Variants in OGN observed in about 807,000 individuals in gnomAD.
OGN encodes the protein mimecan.
OGN carries 19 observed loss-of-function variants against 30.8 expected under a neutral mutation model. That is an observed-to-expected ratio of 0.62 (90% confidence interval 0.43 to 0.90). The LOEUF (loss-of-function observed/expected upper bound fraction) is 0.90, where lower values mean the gene tolerates loss of function less well. Among genes scored for constraint, OGN ranks in the 40% least tolerant of loss-of-function variants. The pLI, the probability that OGN is intolerant of heterozygous loss-of-function variation, is 0.00. For missense variants in OGN, 283 were observed against 349.7 expected (o/e 0.81, Z 1.52); for synonymous variants, 126 against 128.3 (o/e 0.98, Z 0.12).
chr9:92,385,293 C>T lies in OGN; in HGVS notation c.*327G>A, dbSNP rs894392166. 43 of 183,034 alleles carry T rather than the reference C, an allele frequency of 2.3e-4. No homozygotes were observed. The highest frequency in any genetic ancestry group is 5.2e-4 in the African/African-American group (22 of 42,180). 11.3% of individuals were successfully genotyped at this position (183,034 alleles called of 1,614,324 possible). ...GTTGAAAGTTTCTTGGATTTATCCTCGTACTTACATCATTAGTAATAGGAA... is the reference window on the plus strand; with the variant it reads ...GTTGAAAGTTTCTTGGATTTATCCTTGTACTTACATCATTAGTAATAGGAA... On this transcript the variant is annotated 3_prime_UTR_variant, in exon 7 of 7. Transcript: ENST00000375561.
In OGN at chr9:92,384,446, T is replaced by C. The variant is rs1842347858; in HGVS notation, c.*1174A>G. 1 of 152,182 alleles carries C rather than the reference T, an allele frequency of 6.6e-6. No individual in the cohort carries two copies. The highest frequency in any genetic ancestry group is 1.5e-5 in the Non-Finnish European group (1 of 68,000). 9.4% of individuals were successfully genotyped at this position (152,182 alleles called of 1,614,324 possible). A position where few individuals can be genotyped will look rare whatever the true frequency, so the allele number is the denominator to read the frequency against. The stretch of plus-strand genomic sequence containing the variant: ...CGGACTCATGTTTCTAAAACACTGA[T>C]AATTTTGTGTTTAACTTCAATGTAA... On this transcript the variant is annotated 3_prime_UTR_variant, in exon 7 of 7. Transcript: ENST00000375561.
At chr9:92,394,447 T>C (rs2130907327) in intron 3 of OGN, among the ~76,000 whole-genome samples, 1 of 151,314 alleles carries the variant, frequency 6.6e-6, no homozygotes, top group Non-Finnish European at 1.5e-5. Context: ...TAGACAAGGT[T>C]TCACCATGTT....
At chr9:92,386,025 T>C (rs914699001) in intron 6 of OGN, among the ~76,000 whole-genome samples, 176 bp downstream of exon 6, 1 of 152,232 alleles carries the variant, frequency 6.6e-6, no homozygotes, top group Non-Finnish European at 1.5e-5. Context: ...TCTGGACTTC[T>C]GGGAAGAAAG....
rs749697394 is a variant in OGN, at chr9:92,390,587, T to TGTGTGCGC, written c.428-532_428-531insGCGCACAC. On this transcript the variant is annotated intron_variant, in intron 4 of 6. Coordinates refer to ENST00000375561, the MANE Select transcript of OGN (RefSeq NM_014057.5). ...CAGTGTGTGTGTGTGTGTGTGTGTG[T>TGTGTGCGC]GCGCGCGCGCGTACTTGCGTGTGCA... is the stretch of plus-strand genomic sequence containing the variant. 2.3e-4 allele frequency among the ~76,000 whole-genome samples: 33 copies of TGTGTGCGC among 141,914 alleles called. No individual in the cohort carries two copies. The South Asian group carries it at 2.3e-3, about 10-fold the overall frequency. The allele number at this position is 141,914 out of a possible 152,430, so 93.1% of individuals were successfully genotyped here.
intron 5 of OGN, among the ~76,000 whole-genome samples, chr9:92,387,303 G>T (rs558656578): frequency 5.9e-5 from 9 of 151,888 alleles, no homozygotes; most frequent in African/African-American, 2.2e-4. Flanking sequence ...TTGAACCCAG[G>T]GGGTGGAGGT....
chr9:92,397,303 TC>T (rs1329791784), intron 3 of OGN, among the ~76,000 whole-genome samples: 1 of 152,108 alleles, frequency 6.6e-6, no homozygotes, highest in Non-Finnish European at 1.5e-5. Context: ...AGCTATCTCT[TC>T]AGAAAGCACT....
intron 2 of OGN, among the ~76,000 whole-genome samples, chr9:92,402,401 GAGA>G (rs1253605872): frequency 2.0e-5 from 3 of 152,134 alleles, no homozygotes; most frequent in Non-Finnish European, 2.9e-5. Context: ...ATTTATAGTG[GAGA>G]AGAACTTCTG....
intron 3 of OGN, 37 bp from the exon 4 acceptor site, chr9:92,393,281 C>A (rs2274966): frequency 0.37 from 565,984 of 1,521,480 alleles, 111,345 homozygotes; most frequent in African/African-American, 0.71. Flanking sequence ...TATGAACAAT[C>A]GTTTGAAAAT....
rs1842324889 is a variant in OGN at position 92,383,755 on chromosome 9, C to T, written c.*1865G>A. Among the ~76,000 whole-genome samples, 1 of 151,786 alleles carries T rather than the reference C, an allele frequency of 6.6e-6. No individual in the cohort carries two copies. The highest frequency in any genetic ancestry group is 6.6e-5 in the Admixed American group (1 of 15,240). On this transcript the variant is annotated 3_prime_UTR_variant, in exon 7 of 7. Transcript: ENST00000375561. The stretch of plus-strand genomic sequence containing the variant: ...TAATTCTGGAATTCATACCTTTTAC[C>T]AATGTTCTTTCTCCCTTATCATTAT...
intron 3 of OGN, 145 bp from the exon 4 acceptor site, chr9:92,393,389 C>G: frequency 1.7e-6 from 1 of 600,906 alleles, no homozygotes; most frequent in East Asian, 2.9e-5. Context: ...CATGGTAACT[C>G]GTTACCTATA....
At chr9:92,393,388 T>G in intron 3 of OGN, 144 bp from the exon 4 acceptor site, 3 of 604,514 alleles carry the variant, frequency 5.0e-6, no homozygotes, top group Non-Finnish European at 8.3e-6. Context: ...TCATGGTAAC[T>G]CGTTACCTAT....
Position 92,401,111 on chromosome 9 carries a change from A to G in OGN, c.249T>C (p.Pro83=). ...ACTTACCATCATTTTCTTTCTTGGG[A>G]GGTAATGGTGTTATTGCCTCATCTT... is the stretch of plus-strand genomic sequence containing the variant. The part of the protein sequence containing the change: ...LQKDEAITPL[P]PKKENDEMPT... The change falls in exon 3 of 7, where the codon CCT becomes CCC. Residue 83 remains proline, a synonymous_variant. Coordinates refer to ENST00000375561, the MANE Select transcript of OGN (RefSeq NM_014057.5). 6.7e-7 allele frequency: 1 copy of G among 1,496,882 alleles called. No individual in the cohort carries two copies. The highest frequency in any genetic ancestry group is 9.3e-7 in the Non-Finnish European group (1 of 1,076,476). 92.7% of individuals were successfully genotyped at this position (1,496,882 alleles called of 1,614,324 possible). A position where few individuals can be genotyped will look rare whatever the true frequency, so the allele number is the denominator to read the frequency against.
In OGN at chr9:92,385,703, G is replaced by A; in HGVS notation, c.814C>T (p.Leu272=). Residue 272 remains leucine, a synonymous_variant, in exon 7 of 7, where the codon CTG becomes TTG. Coordinates refer to ENST00000375561, the MANE Select transcript of OGN (RefSeq NM_014057.5). ...CCCAGGACGATTGGATTGCCCTCCA[G>A]GCGTATCTCTTCAATGCGGTCCCGG... is the stretch of plus-strand genomic sequence containing the variant. ...YIRDRIEEIR[L]EGNPIVLGKH... 6.2e-7 allele frequency: 1 copy of A among 1,614,092 alleles called. No homozygotes were observed. Among genetic ancestry groups the A allele is most frequent in the Non-Finnish European group, 8.5e-7 (1 of 1,179,966 alleles).
chr9:92,403,413 CAAA>C lies in OGN; in HGVS notation c.-9_-7del. The C allele has an allele frequency of 6.3e-7, 1 of 1,589,262 alleles. No individual in the cohort carries two copies. ...GTAGACTGCAGAGTCTTCATTTTAG[CAAA>C]AATCAAGGTGACTGGAAGTTAATAA... On this transcript the variant is annotated 5_prime_UTR_variant, in exon 2 of 7. Transcript: ENST00000375561.
At chr9:92,387,467 C>T in intron 5 of OGN, among the ~76,000 whole-genome samples, 1 of 151,874 alleles carries the variant, frequency 6.6e-6, no homozygotes, top group South Asian at 2.1e-4. Flanking sequence ...TCCCTAAGGG[C>T]TTAATGTTGG....
intron 2 of OGN, 124 bp downstream of exon 2, chr9:92,403,110 C>T (rs910675693): frequency 4.3e-5 from 26 of 600,208 alleles, no homozygotes; most frequent in East Asian, 3.7e-4. Flanking sequence ...ATTATGAATT[C>T]GTTTGAATCA....
At chr9:92,400,521 T>G (rs1564300448) in intron 3 of OGN, among the ~76,000 whole-genome samples, 1 of 152,226 alleles carries the variant, frequency 6.6e-6, no homozygotes, top group Admixed American at 6.5e-5. Flanking sequence ...TATTTTCTGT[T>G]ATGGTTCATT....
chr9:92,392,351 T>C (rs1842718872), intron 4 of OGN, among the ~76,000 whole-genome samples: 2 of 152,178 alleles, frequency 1.3e-5, no homozygotes, highest in African/African-American at 4.8e-5. Flanking sequence ...CTGCCGGGCA[T>C]GGTGGCTCAC....
chr9:92,399,648 T>C (rs1843028175), intron 3 of OGN, among the ~76,000 whole-genome samples: 2 of 152,230 alleles, frequency 1.3e-5, no homozygotes, highest in Non-Finnish European at 2.9e-5. Context: ...TTTCATTTTA[T>C]ACATTCAGAT....
Sources: allele counts gnomAD v4.1 joint callset (sites outside exome capture counted in the v4.1 genomes callset), GRCh38; gene constraint gnomAD v4.1.1; transcripts MANE v1.5; gene names NCBI Gene and HGNC (gene_info 2026-07-23, HGNC 2026-07-21).